PC: variants seen among roughly 807,000 people sequenced by gnomAD.
PC encodes the protein pyruvate carboxylase, also known as pyruvate carboxylase, mitochondrial.
In PC, 46 loss-of-function variants were observed where a neutral mutation model predicts 107.8. That is an observed-to-expected ratio of 0.43 (90% CI 0.34 to 0.55). The LOEUF (loss-of-function observed/expected upper bound fraction) is 0.55, where lower values mean the gene tolerates loss of function less well. PC is among the 20% of genes least tolerant of loss of function. The pLI is 0.04. For synonymous variants in PC, 662 were observed against 684.7 expected (o/e 0.97, Z 0.52); for missense variants, 1,241 against 1,643.1 (o/e 0.76, Z 4.23).
At chr11:66,862,239 G>A (rs948570432) in intron 12 of PC, among the ~76,000 whole-genome samples, 12 of 152,182 alleles carry the variant, frequency 7.9e-5, no homozygotes, top group African/African-American at 2.7e-4. Context: ...CCCCAACAGG[G>A]AGGCTGAGAG....
intron 12 of PC, among the ~76,000 whole-genome samples, chr11:66,862,959 C>T (rs1229206253): frequency 2.0e-5 from 3 of 152,184 alleles, no homozygotes; most frequent in Non-Finnish European, 4.4e-5. Flanking sequence ...AGGGGGCTGG[C>T]GGGGGCCTGA....
In PC at chr11:66,945,306, G is replaced by T. The variant is rs1318869173; in HGVS notation, c.-1+7124C>A. Among the ~76,000 whole-genome samples the T allele has an allele frequency of 1.8e-5, 2 of 113,848 alleles. 1 individual carries two copies. Among genetic ancestry groups the T allele is most frequent in the Non-Finnish European group, 3.9e-5 (2 of 51,728 alleles). 74.7% of individuals were successfully genotyped at this position (113,848 alleles called of 152,430 possible). A position where few individuals can be genotyped will look rare whatever the true frequency, so the allele number is the denominator to read the frequency against. On this transcript the variant is annotated intron_variant, in intron 3 of 22. Transcript: ENST00000393960. ...CAGAGAAAGCCTTGGGAGATACAGA[G>T]AATCTAAAGAATCTAAACTGTATCT...
Position 66,852,809 on chromosome 11 carries a change from G to A in PC, c.1541C>T (p.Thr514Ile), listed in dbSNP as rs1195687135. ...LGHVMVNGPT[T>I]PIPVKASPSP... is the part of the protein sequence containing the mutation. ...GGGGCTGGCCTTGACGGGAATCGGG[G>A]TGGTTGGACCGTTTACCATGACATG... Residue 514 changes from threonine (T) to isoleucine (I), a missense_variant, in exon 14 of 23, where the codon ACC becomes ATC. Thr to Ile is a moderately conservative substitution (Grantham distance 89). This residue lies in a region of PC where 1,143 missense variants were observed against 1,551.9 expected (regional missense o/e 0.74). Transcript: ENST00000393960. The surrounding 1 kb of genome is among the most constrained non-coding windows in gnomAD (Gnocchi z 4.7). 6.3e-7 allele frequency: 1 copy of A among 1,585,146 alleles called. No individual in the cohort carries two copies. The highest frequency in any genetic ancestry group is 8.6e-7 in the Non-Finnish European group (1 of 1,162,194).
chr11:66,863,705 G>A (rs1052309122), intron 12 of PC, 69 bp downstream of exon 12: 1 of 1,502,544 alleles, frequency 6.7e-7, no homozygotes, highest in South Asian at 1.2e-5. Flanking sequence ...GCCCTTGGTG[G>A]GGAAGTGAAC....
intron 20 of PC, 26 bp from the exon 21 acceptor site, chr11:66,849,885 C>G: frequency 6.2e-7 from 1 of 1,613,596 alleles, no homozygotes; most frequent in Non-Finnish European, 8.5e-7. Flanking sequence ...GAGGATCAGT[C>G]CCAAGTCCTG....
chr11:66,853,233 C>T lies in PC; in HGVS notation c.1513+6G>A, dbSNP rs566545355. On this transcript the variant is annotated splice_donor_region_variant and intron_variant, in intron 13 of 22. Coordinates refer to ENST00000393960, the MANE Select transcript of PC (RefSeq NM_001040716.2). Reference sequence around the variant, plus strand: ...GAGGGCAGGGCAGGGCAGTCTCGGGCCAGACCGAGGTAGTGCAACAGCTTT... The same window carrying T: ...GAGGGCAGGGCAGGGCAGTCTCGGGTCAGACCGAGGTAGTGCAACAGCTTT... The T allele has an allele frequency of 6.2e-7, 1 of 1,613,558 alleles. No individual in the cohort carries two copies. The highest frequency in any genetic ancestry group is 1.1e-5 in the South Asian group (1 of 91,066).
intron 3 of PC, among the ~76,000 whole-genome samples, chr11:66,907,268 C>G (rs1024102037): frequency 5.9e-5 from 9 of 152,252 alleles, no homozygotes; most frequent in Admixed American, 5.2e-4. Context: ...TGGTTCACGC[C>G]TGTAATCCCA....
At chr11:66,894,043 C>T (rs937214526) in intron 3 of PC, among the ~76,000 whole-genome samples, 6 of 151,978 alleles carry the variant, frequency 3.9e-5, no homozygotes, top group East Asian at 1.9e-4. Flanking sequence ...ACTTAACTAT[C>T]GTAAAAACCT....
In PC at chr11:66,910,096, G is replaced by A. The variant is rs1024308635; in HGVS notation, c.1-37937C>T. Among the ~76,000 whole-genome samples, 4 of 152,156 alleles carry A rather than the reference G, an allele frequency of 2.6e-5. 1 individual carries two copies. The highest frequency in any genetic ancestry group is 4.8e-5 in the African/African-American group (2 of 41,432). On this transcript the variant is annotated intron_variant, in intron 3 of 22. Transcript: ENST00000393960. ...GACTTTATAGGTGTTTTCTTCATCTGAGAAAAACACAAGCGGGGGGAGTAA... is the reference window on the plus strand; with the variant it reads ...GACTTTATAGGTGTTTTCTTCATCTAAGAAAAACACAAGCGGGGGGAGTAA...
intron 3 of PC, among the ~76,000 whole-genome samples, chr11:66,918,761 C>T (rs1473834554): frequency 1.3e-5 from 2 of 152,084 alleles, no homozygotes; most frequent in East Asian, 3.9e-4. Context: ...AAATAAAAGG[C>T]TTCCTCACCC....
At chr11:66,912,352 G>C (rs184690573) in intron 3 of PC, among the ~76,000 whole-genome samples, 44 of 152,328 alleles carry the variant, frequency 2.9e-4, no homozygotes, top group South Asian at 2.5e-3. Context: ...GGAGGTGTAA[G>C]GGCCTGGGGA....
intron 1 of PC, among the ~76,000 whole-genome samples, chr11:66,954,968 T>G (rs1591325634): frequency 1.3e-5 from 2 of 149,374 alleles, no homozygotes; most frequent in South Asian, 4.2e-4. Flanking sequence ...ACAGAAAACG[T>G]TGACCTGAAC....
chr11:66,903,249 C>T (rs957421163), intron 3 of PC, among the ~76,000 whole-genome samples: 7 of 152,112 alleles, frequency 4.6e-5, no homozygotes, highest in African/African-American at 1.7e-4. Context: ...ACTGCCAACT[C>T]CTTTCCCCAA....
At chr11:66,875,309 T>C (rs1946932605) in intron 3 of PC, among the ~76,000 whole-genome samples, 1 of 151,940 alleles carries the variant, frequency 6.6e-6, no homozygotes, top group East Asian at 1.9e-4. Context: ...AGACCCCCCA[T>C]AGAAAGCAAG....
At chr11:66,883,597 GA>G (rs1217684582) in intron 3 of PC, among the ~76,000 whole-genome samples, 3 of 152,202 alleles carry the variant, frequency 2.0e-5, no homozygotes, top group Non-Finnish European at 4.4e-5. Flanking sequence ...ATGTTATAAA[GA>G]TTTGTTGACC....
In PC at chr11:66,872,138, G is replaced by A. The variant is rs1591192555; in HGVS notation, c.22C>T (p.His8Tyr). Residue 8 changes from histidine (H) to tyrosine (Y), a missense_variant, in exon 4 of 23, where the codon CAT (histidine) becomes TAT (tyrosine). Physicochemically the swap from His to Tyr is moderately conservative, Grantham distance 83. This residue lies in a region of PC where 1,143 missense variants were observed against 1,551.9 expected (regional missense o/e 0.74). Transcript: ENST00000393960. Reference sequence around the variant, plus strand: ...ATTCCCAGGAGCCTCAGGCCCCCATGGACTGTTCGGAACTTCAGCATCTAG... The same window carrying A: ...ATTCCCAGGAGCCTCAGGCCCCCATAGACTGTTCGGAACTTCAGCATCTAG... MLKFRTVHGGLRLLGIRR... is the reference protein window; with the variant it reads MLKFRTVYGGLRLLGIRR... 1.9e-6 allele frequency: 3 copies of A among 1,581,642 alleles called. No individual in the cohort carries two copies. Among genetic ancestry groups the A allele is most frequent in the Admixed American group, 1.8e-5 (1 of 55,532 alleles).
Position 66,857,097 on chromosome 11 carries a change from C to T in PC, c.1369-3714G>A, listed in dbSNP as rs1945900373. ...GCACCCGCTCGCCTGTCGCCGCCGC[C>T]ACCGCTAACCGCGCCGGGAAAAGGT... On this transcript the variant is annotated intron_variant, in intron 12 of 22. Transcript: ENST00000393960. This position sits in a 1 kb window ranked among gnomAD's most constrained non-coding sequence, Gnocchi z 7.1. The T allele has an allele frequency of 6.8e-6, 1 of 147,624 alleles. No individual in the cohort carries two copies. Among genetic ancestry groups the T allele is most frequent in the South Asian group, 2.1e-4 (1 of 4,828 alleles). 9.1% of individuals were successfully genotyped at this position (147,624 alleles called of 1,614,324 possible). A position where few individuals can be genotyped will look rare whatever the true frequency, so the allele number is the denominator to read the frequency against.
intron 3 of PC, among the ~76,000 whole-genome samples, chr11:66,910,207 G>C (rs971263979): frequency 6.6e-6 from 1 of 151,998 alleles, no homozygotes; most frequent in Admixed American, 6.6e-5. Context: ...GTTAGTCCTG[G>C]GTGACAAACA....
chr11:66,867,183 C>T (rs551706333), intron 10 of PC, among the ~76,000 whole-genome samples: 2 of 152,264 alleles, frequency 1.3e-5, no homozygotes, highest in Admixed American at 6.5e-5. Flanking sequence ...GCCAGGAGTT[C>T]GAGACTAGCC....
Sources: allele counts gnomAD v4.1 joint callset (sites outside exome capture counted in the v4.1 genomes callset), GRCh38; gene constraint gnomAD v4.1.1; regional missense constraint gnomAD v4.1.1; non-coding constraint Gnocchi (gnomAD v3.1); transcripts MANE v1.5; gene names NCBI Gene and HGNC (gene_info 2026-07-23, HGNC 2026-07-21).